Variants in TSC2 observed in about 807,000 individuals in gnomAD.
The protein encoded by TSC2 is tuberin.
In TSC2, 29 loss-of-function variants were observed where a neutral mutation model predicts 202.2. The ratio of observed to expected loss-of-function variants is 0.14; its 90% CI spans 0.11 to 0.20. The LOEUF is 0.20. Among genes scored for constraint, TSC2 ranks in the 10% least tolerant of loss-of-function variants. TSC2 has a pLI of 1.00. For missense variants in TSC2, 2,429 were observed against 2,420.0 expected (o/e 1.00, Z -0.08); for synonymous variants, 1,349 against 1,044.0 (o/e 1.29, Z -5.63).
rs1596336026 is a variant in TSC2, at chr16:2,070,461, G to A, written c.1722G>A (p.Lys574=). 1 of 1,613,404 alleles carries A rather than the reference G, an allele frequency of 6.2e-7. No homozygotes were observed. The highest frequency in any genetic ancestry group is 8.5e-7 in the Non-Finnish European group (1 of 1,180,034). Residue 574 remains lysine (K), a synonymous_variant, in exon 17 of 42, where the codon AAG becomes AAA. Transcript: ENST00000219476. ...VLGLLVILQT[K]LYTLPASHAT... ...GCTGCGTCCTCTCTCTGCAGACCAA[G>A]CTGTACACCCTGCCTGCAAGCCACG...
At chr16:2,080,109 C>T (rs1399869076) in intron 29 of TSC2, 56 bp from the exon 30 acceptor site, 3 of 1,605,106 alleles carry the variant, frequency 1.9e-6, no homozygotes, top group Non-Finnish European at 2.6e-6. Flanking sequence ...CAGCTTGAGG[C>T]TGGTGGTTTT....
Position 2,087,802 on chromosome 16 carries a change from G to T in TSC2, c.4990-61G>T. 3 of 1,585,248 alleles carry T rather than the reference G, an allele frequency of 1.9e-6. No homozygotes were observed. In the East Asian group the frequency reaches 6.9e-5, roughly 36 times the overall value. ...TGTCTAGCAGTGCAACCAGGCAGTAGCCGAGATCAGCCTTCAGCACACGCT... is the reference window on the plus strand; with the variant it reads ...TGTCTAGCAGTGCAACCAGGCAGTATCCGAGATCAGCCTTCAGCACACGCT... On this transcript the variant is annotated intron_variant, in intron 38 of 41. Transcript: ENST00000219476.
intron 5 of TSC2, 116 bp from the exon 6 acceptor site, chr16:2,055,286 G>T: frequency 1.2e-6 from 1 of 843,896 alleles, no homozygotes; most frequent in South Asian, 1.3e-5. Flanking sequence ...CCGGGGGACT[G>T]ATGATGGGGT....
chr16:2,081,484 G>C, intron 30 of TSC2, 111 bp from the exon 31 acceptor site: 1 of 1,345,096 alleles, frequency 7.4e-7, no homozygotes, highest in South Asian at 1.2e-5. Context: ...TGAGGATTGT[G>C]GGAGGGAGCA....
At chr16:2,084,812 C>G (rs1007132920) in intron 34 of TSC2, 97 bp downstream of exon 34, 1 of 1,597,914 alleles carries the variant, frequency 6.3e-7, no homozygotes. Flanking sequence ...GTGGGGTCCT[C>G]GCCTGTGCCC....
chr16:2,070,648 G>T, intron 17 of TSC2, 70 bp downstream of exon 17: 4 of 1,607,788 alleles, frequency 2.5e-6, no homozygotes, highest in Non-Finnish European at 3.4e-6. Context: ...GGCAGGTGTG[G>T]TTCCTGGAAG....
intron 30 of TSC2, 30 bp downstream of exon 30, chr16:2,080,407 C>T (rs2089985582): frequency 2.5e-6 from 4 of 1,605,700 alleles, no homozygotes; most frequent in Non-Finnish European, 3.4e-6. Flanking sequence ...TGAGCGCCAT[C>T]TTTCTGCCAG....
chr16:2,061,924 G>C lies in TSC2; in HGVS notation c.1173G>C (p.Val391=). 6.2e-7 allele frequency: 1 copy of C among 1,614,218 alleles called. No homozygotes were observed. Among genetic ancestry groups the C allele is most frequent in the Non-Finnish European group, 8.5e-7 (1 of 1,180,042 alleles). ...RTIVHDLLTT[V]EELCDQNEFH... ...TCGTCCATGACCTGTTGACCACGGT[G>C]GAGGAGCTGTGTGACCAGAACGAGT... The change falls in exon 12 of 42, where the codon GTG becomes GTC. Residue 391 remains valine (V), a synonymous_variant. Coordinates refer to ENST00000219476, the MANE Select transcript of TSC2 (RefSeq NM_000548.5).
At chr16:2,064,016 TGTG>T in intron 14 of TSC2, 1 of 562,806 alleles carries the variant, frequency 1.8e-6, no homozygotes. Context: ...CCTTGTGAGT[TGTG>T]GGCCCCGTGT....
chr16:2,066,614 C>A (rs2087394267), intron 16 of TSC2, among the ~76,000 whole-genome samples: 1 of 150,430 alleles, frequency 6.6e-6, no homozygotes, highest in South Asian at 2.1e-4. Flanking sequence ...GTGCCATTTT[C>A]CATCCACTCG....
At chr16:2,051,350 G>T (rs1463582956) in intron 3 of TSC2, among the ~76,000 whole-genome samples, 1 of 151,954 alleles carries the variant, frequency 6.6e-6, no homozygotes, top group Non-Finnish European at 1.5e-5. Flanking sequence ...GTTTGTAGTG[G>T]CTGATAGAAA....
chr16:2,062,650 T>C, intron 13 of TSC2, 50 bp downstream of exon 13: 2 of 1,533,778 alleles, frequency 1.3e-6, no homozygotes, highest in Non-Finnish European at 1.8e-6. Flanking sequence ...TGGCCCTGTC[T>C]CTGTCTGGGG....
chr16:2,074,411 G>T, intron 22 of TSC2, 22 bp downstream of exon 22: 3 of 1,606,488 alleles, frequency 1.9e-6, no homozygotes, highest in Non-Finnish European at 1.7e-6. Context: ...CCCTGCCTGC[G>T]CATGCACCCG....
At chr16:2,062,842 A>G in intron 13 of TSC2, 130 bp from the exon 14 acceptor site, 3 of 1,084,984 alleles carry the variant, frequency 2.8e-6, no homozygotes, top group Non-Finnish European at 1.3e-6. Flanking sequence ...CCTGGGAAGC[A>G]GAGCTCTGTG....
rs112550562 is a variant in TSC2, at chr16:2,077,036, C to T, written c.2837+451C>T. 6.8e-3 allele frequency among the ~76,000 whole-genome samples: 1,029 copies of T among 152,324 alleles called. 8 individuals are homozygous for T. The highest frequency in any genetic ancestry group is 0.014 in the Middle Eastern group (4 of 290). On this transcript the variant is annotated intron_variant, in intron 25 of 41. Transcript: ENST00000219476. Reference sequence around the variant, plus strand: ...TCCTCCTGTCCCCCACCTTCCTGCCCGAGCTATTTTGGCTTTCCCTAGATG... The same window carrying T: ...TCCTCCTGTCCCCCACCTTCCTGCCTGAGCTATTTTGGCTTTCCCTAGATG...
chr16:2,074,110 C>T, intron 21 of TSC2, 90 bp from the exon 22 acceptor site: 2 of 1,548,652 alleles, frequency 1.3e-6, no homozygotes, highest in Non-Finnish European at 8.8e-7. Context: ...CTCGGCTGTT[C>T]TCCCGGTGGA....
intron 19 of TSC2, 101 bp from the exon 20 acceptor site, chr16:2,072,140 C>A (rs375568276): frequency 6.3e-7 from 1 of 1,594,096 alleles, no homozygotes; most frequent in Non-Finnish European, 8.5e-7. Flanking sequence ...GCTCCATAGC[C>A]CTTGACGCTG....
intron 9 of TSC2, among the ~76,000 whole-genome samples, chr16:2,058,010 C>A (rs1180255743): frequency 1.4e-5 from 2 of 138,794 alleles, no homozygotes; most frequent in Non-Finnish European, 3.1e-5. Context: ...TGCCTCGGCC[C>A]CTGCATCTCT....
rs576464984 is a variant in TSC2, at chr16:2,079,489, G to A, written c.3284+61G>A. 43 of 1,609,008 alleles carry A rather than the reference G, an allele frequency of 2.7e-5. No homozygotes were observed. In the East Asian group the frequency reaches 9.4e-4, roughly 35 times the overall value. On this transcript the variant is annotated intron_variant, in intron 28 of 41. Coordinates refer to ENST00000219476, the MANE Select transcript of TSC2 (RefSeq NM_000548.5). This position sits in a 1 kb window ranked among gnomAD's most constrained non-coding sequence, Gnocchi z 4.6. ...CTCGACACCGGCTGTCCCGAGCCCAGGCCCACGTGGCACCCTCGTACCAGC... is the reference window on the plus strand; with the variant it reads ...CTCGACACCGGCTGTCCCGAGCCCAAGCCCACGTGGCACCCTCGTACCAGC...
Sources: gnomAD v4.1 joint callset for allele counts (sites outside exome capture counted in the v4.1 genomes callset) on GRCh38, gnomAD v4.1.1 for gene constraint, Gnocchi (gnomAD v3.1) non-coding constraint, MANE v1.5 for transcripts, NCBI Gene and HGNC (gene_info 2026-07-23, HGNC 2026-07-21) for gene names.